STK4: variants seen among roughly 807,000 people sequenced by gnomAD.
STK4 encodes serine/threonine-protein kinase 4.
STK4 carries 30 observed loss-of-function variants against 64.9 expected under a neutral mutation model. That is an observed-to-expected ratio of 0.46 (90% CI 0.35 to 0.63). STK4 has a LOEUF of 0.63. Among genes scored for constraint, STK4 ranks in the 20% least tolerant of loss-of-function variants. The pLI is 0.01. For missense variants in STK4, 466 were observed against 598.5 expected (o/e 0.78, Z 2.31); for synonymous variants, 177 against 199.0 (o/e 0.89, Z 0.93).
intron 2 of STK4, among the ~76,000 whole-genome samples, chr20:44,978,008 T>TAA (rs1223203195): frequency 2.6e-5 from 4 of 152,248 alleles, no homozygotes; most frequent in African/African-American, 9.6e-5. Context: ...CCTGGACTGA[T>TAA]AACACAACTG....
chr20:45,001,201 G>T lies in STK4; in HGVS notation c.995G>T (p.Arg332Leu), dbSNP rs146085540. ...EDEMDSGTMV[R>L]AVGDEMGTVR... ...GAAATGGATTCTGGCACGATGGTTC[G>T]AGCAGTGGGTGATGAGATGGGCACT... Residue 332 changes from arginine to leucine, a missense_variant, in exon 9 of 11, where the codon CGA (arginine) becomes CTA (leucine). Arg to Leu is a moderately radical substitution (Grantham distance 102, BLOSUM62 -2). Transcript: ENST00000372806. 5.6e-6 allele frequency: 9 copies of T among 1,613,664 alleles called. No individual in the cohort carries two copies. In the East Asian group the frequency reaches 2.0e-4, roughly 36 times the overall value.
intron 3 of STK4, 107 bp from the exon 4 acceptor site, chr20:44,981,722 A>G: frequency 1.6e-6 from 1 of 636,628 alleles, no homozygotes; most frequent in Non-Finnish European, 2.7e-6. Context: ...TTAACTATGA[A>G]TAATTGATCT....
rs368533196 is a variant in STK4, at chr20:45,006,003, T to C, written c.1147+4650T>C. Among the ~76,000 whole-genome samples the C allele has an allele frequency of 4.6e-5, 7 of 151,986 alleles. 1 individual carries two copies. On this transcript the variant is annotated intron_variant, in intron 9 of 10. Coordinates refer to ENST00000372806, the MANE Select transcript of STK4 (RefSeq NM_006282.5). ...GAAATTCTGTTGTCAATATTGTTCT[T>C]TTCTAGATGATTTACTTTTTTCTCT...
intron 1 of STK4, among the ~76,000 whole-genome samples, chr20:44,971,524 T>C (rs1318483620): frequency 3.3e-5 from 5 of 152,230 alleles, no homozygotes; most frequent in African/African-American, 7.2e-5. Flanking sequence ...TTCATAGTTA[T>C]GTTTCAATTC....
At chr20:44,990,559 G>A (rs555352017) in intron 5 of STK4, among the ~76,000 whole-genome samples, 5 of 152,248 alleles carry the variant, frequency 3.3e-5, no homozygotes, top group East Asian at 3.9e-4. Flanking sequence ...GCCCCTCTCC[G>A]GTCTCTTGTC....
At chr20:44,986,992 A>G (rs1055222116) in intron 4 of STK4, 140 bp from the exon 5 acceptor site, 20 of 626,648 alleles carry the variant, frequency 3.2e-5, no homozygotes, top group Middle Eastern at 9.0e-4. Context: ...CAGTGTATCT[A>G]TGGTATAAGC....
intron 9 of STK4, among the ~76,000 whole-genome samples, chr20:45,008,220 A>G (rs1022370999): frequency 1.1e-4 from 16 of 152,138 alleles, no homozygotes; most frequent in African/African-American, 3.4e-4. Context: ...ACACCAGGCT[A>G]ATTTTTGTAT....
intron 10 of STK4, among the ~76,000 whole-genome samples, chr20:45,070,732 A>G (rs1979984351): frequency 6.6e-6 from 1 of 152,094 alleles, no homozygotes. Flanking sequence ...CTAAAAATAC[A>G]AAAATCTAGC....
At chr20:44,975,618 T>A (rs890250979) in intron 2 of STK4, 1 of 154,912 alleles carries the variant, frequency 6.5e-6, no homozygotes, top group African/African-American at 2.4e-5. Context: ...CTGCATGAAG[T>A]TGGGGGCTGG....
chr20:45,011,135 T>G (rs141189683), intron 9 of STK4, among the ~76,000 whole-genome samples: 2 of 152,284 alleles, frequency 1.3e-5, no homozygotes, highest in East Asian at 3.9e-4. Flanking sequence ...TGTTCTTGTT[T>G]TTGTTGTTGT....
At chr20:44,985,931 A>G (rs1438458943) in intron 4 of STK4, among the ~76,000 whole-genome samples, 1 of 152,146 alleles carries the variant, frequency 6.6e-6, no homozygotes, top group African/African-American at 2.4e-5. Flanking sequence ...CAGAAGGGGA[A>G]CTATGTAACA....
At chr20:44,992,944 C>G (rs1265540460) in intron 5 of STK4, among the ~76,000 whole-genome samples, 1 of 152,144 alleles carries the variant, frequency 6.6e-6, no homozygotes, top group Non-Finnish European at 1.5e-5. Context: ...AATCTGCCCA[C>G]CTCTGCCTCC....
intron 10 of STK4, among the ~76,000 whole-genome samples, chr20:45,040,232 T>TA (rs1251415644): frequency 6.6e-6 from 1 of 152,046 alleles, no homozygotes; most frequent in Non-Finnish European, 1.5e-5. Context: ...CTTCTCCATT[T>TA]ACCAATTGAA....
chr20:45,047,814 A>G (rs966369531), intron 10 of STK4, among the ~76,000 whole-genome samples: 5 of 152,188 alleles, frequency 3.3e-5, no homozygotes, highest in African/African-American at 7.2e-5. Flanking sequence ...ATAGTGAAGA[A>G]GAGCAGTGGG....
In STK4 at chr20:45,057,528, T is replaced by C. The variant is rs138661700; in HGVS notation, c.1306-17490T>C. Among the ~76,000 whole-genome samples the C allele has an allele frequency of 2.0e-4, 31 of 152,324 alleles. No individual in the cohort carries two copies. In the Middle Eastern group the frequency reaches 0.01, roughly 50 times the overall value. On this transcript the variant is annotated intron_variant, in intron 10 of 10. Coordinates refer to ENST00000372806, the MANE Select transcript of STK4 (RefSeq NM_006282.5). Reference sequence around the variant, plus strand: ...AGACAAATAGAACTATACCTTCCCATGGGACCTGTGTTATATACTAATCAT... The same window carrying C: ...AGACAAATAGAACTATACCTTCCCACGGGACCTGTGTTATATACTAATCAT...
intron 2 of STK4, among the ~76,000 whole-genome samples, chr20:44,977,840 TA>T (rs1270928228): frequency 2.0e-5 from 3 of 152,216 alleles, no homozygotes; most frequent in Non-Finnish European, 2.9e-5. Flanking sequence ...GTTTCCATAA[TA>T]TTTTAAGTAT....
At chr20:45,061,118 C>T (rs1017350802) in intron 10 of STK4, among the ~76,000 whole-genome samples, 6 of 152,114 alleles carry the variant, frequency 3.9e-5, no homozygotes, top group Admixed American at 2.6e-4. Context: ...AAAGGCTGTT[C>T]TAAAACTCAC....
chr20:45,028,357 T>G (rs915660273), intron 10 of STK4, among the ~76,000 whole-genome samples: 3 of 151,550 alleles, frequency 2.0e-5, no homozygotes, highest in African/African-American at 7.3e-5. Flanking sequence ...GATAGGGTCT[T>G]GCTTATTCTC....
At position 45,058,038 on chromosome 20, in the gene STK4, T is replaced by G. The variant is rs547304796; in HGVS notation, c.1306-16980T>G. 2.8e-5 allele frequency among the ~76,000 whole-genome samples: 4 copies of G among 143,720 alleles called. No homozygotes were observed. The South Asian group carries it at 9.0e-4, about 32-fold the overall frequency. The allele number at this position is 143,720 out of a possible 152,430, so 94.3% of individuals were successfully genotyped here. ...ATGAACAAATGATAAAAACTTATATTTAGCAGTTTGAAGGTCACACACACA... is the reference window on the plus strand; with the variant it reads ...ATGAACAAATGATAAAAACTTATATGTAGCAGTTTGAAGGTCACACACACA... On this transcript the variant is annotated intron_variant, in intron 10 of 10. Coordinates refer to ENST00000372806, the MANE Select transcript of STK4 (RefSeq NM_006282.5).
Sources: gnomAD v4.1 joint callset for allele counts (sites outside exome capture counted in the v4.1 genomes callset) on GRCh38, gnomAD v4.1.1 for gene constraint, MANE v1.5 for transcripts, NCBI Gene and HGNC (gene_info 2026-07-23, HGNC 2026-07-21) for gene names.